Variants in HMGA2 observed in about 807,000 individuals in gnomAD.
HMGA2 encodes the protein high mobility group AT-hook 2.
In HMGA2, 8 loss-of-function variants were observed where a neutral mutation model predicts 19.1. That is an observed-to-expected ratio of 0.42 (90% CI 0.25 to 0.76). HMGA2 has a LOEUF of 0.76. Ranked by LOEUF, HMGA2 falls within the 30% of genes least tolerant of loss-of-function variation. The pLI is 0.28. For synonymous variants in HMGA2, 60 were observed against 48.8 expected (o/e 1.23, Z -0.96); for missense variants, 109 against 136.3 (o/e 0.80, Z 1.00).
At chr12:65,927,043 A>G (rs1449874779) in intron 3 of HMGA2, among the ~76,000 whole-genome samples, 8 of 152,202 alleles carry the variant, frequency 5.3e-5, no homozygotes, top group Admixed American at 2.6e-4. Context: ...ACTCTTTTGC[A>G]AAGCAAGGAG....
At chr12:65,844,217 A>G (rs1487569391) in intron 3 of HMGA2, among the ~76,000 whole-genome samples, 2 of 152,122 alleles carry the variant, frequency 1.3e-5, no homozygotes, top group Non-Finnish European at 2.9e-5. Flanking sequence ...AGGTGAAATC[A>G]TTTTCCCTTA....
chr12:65,949,892 A>G (rs1038446181), intron 3 of HMGA2, among the ~76,000 whole-genome samples: 2 of 152,208 alleles, frequency 1.3e-5, no homozygotes, highest in Non-Finnish European at 1.5e-5. Flanking sequence ...TGGGCAAAGG[A>G]TTTAAATAAA....
chr12:65,867,629 T>C, intron 3 of HMGA2: 1 of 342,094 alleles, frequency 2.9e-6, no homozygotes, highest in South Asian at 2.4e-5. Context: ...TGTGTAAAAG[T>C]GGAGGATATG....
At chr12:65,828,684 G>A (rs1032522595) in intron 2 of HMGA2, 1 of 156,224 alleles carries the variant, frequency 6.4e-6, no homozygotes, top group Non-Finnish European at 1.4e-5. Context: ...CTGCAGTATA[G>A]TATATCATAA....
intron 3 of HMGA2, chr12:65,842,230 G>C (rs1349868128): frequency 1.5e-6 from 1 of 650,082 alleles, no homozygotes; most frequent in Non-Finnish European, 2.5e-6. Context: ...GACCTTTAAA[G>C]GTCCAGTTTC....
intron 3 of HMGA2, chr12:65,860,120 A>G: frequency 2.4e-6 from 1 of 413,342 alleles, no homozygotes; most frequent in Admixed American, 2.6e-5. Flanking sequence ...AGAGAAAAGG[A>G]AAAAGGGCAT....
In HMGA2 at chr12:65,824,877, G is replaced by T. The variant is rs187998866; in HGVS notation, c.-394G>T. ...TCCAAGCCGCTTCCGAAGTGCTCCC[G>T]GTGCCCGCAACTCCTGATCCCAACC... On this transcript the variant is annotated 5_prime_UTR_variant, in exon 1 of 5. Coordinates refer to ENST00000403681, the MANE Select transcript of HMGA2 (RefSeq NM_003483.6). The T allele has an allele frequency of 1.8e-3, 474 of 265,362 alleles. 2 individuals are homozygous for T. Among genetic ancestry groups the T allele is most frequent in the African/African-American group, 9.8e-3 (449 of 45,938 alleles). 16.4% of individuals were successfully genotyped at this position (265,362 alleles called of 1,614,324 possible).
chr12:65,843,629 G>A, intron 3 of HMGA2: 1 of 166,748 alleles, frequency 6.0e-6, no homozygotes, highest in South Asian at 2.0e-4. Flanking sequence ...AGTTTTACAT[G>A]TCCATTACTG....
intron 3 of HMGA2, among the ~76,000 whole-genome samples, chr12:65,949,639 G>A (rs1022404802): frequency 2.6e-5 from 4 of 152,138 alleles, no homozygotes; most frequent in Admixed American, 1.3e-4. Flanking sequence ...TCTAATACTC[G>A]ATTGGAAAGT....
chr12:65,836,746 G>A (rs2120865200), intron 2 of HMGA2, among the ~76,000 whole-genome samples: 1 of 152,318 alleles, frequency 6.6e-6, no homozygotes, highest in South Asian at 2.1e-4. Context: ...GACAACAAAT[G>A]ATTCCTTTGT....
chr12:65,846,271 T>A (rs895481310), intron 3 of HMGA2, among the ~76,000 whole-genome samples: 6 of 152,256 alleles, frequency 3.9e-5, no homozygotes, highest in Non-Finnish European at 8.8e-5. Context: ...ATTTCCTTAG[T>A]AAACGATGAA....
intron 3 of HMGA2, among the ~76,000 whole-genome samples, chr12:65,937,169 C>G (rs937786207): frequency 1.2e-4 from 19 of 152,114 alleles, no homozygotes; most frequent in African/African-American, 3.6e-4. Context: ...CAGTTCTTCC[C>G]AAGATCAGAG....
chr12:65,915,439 T>C, intron 3 of HMGA2: 1 of 1,263,144 alleles, frequency 7.9e-7, no homozygotes, highest in Non-Finnish European at 1.0e-6. Context: ...TGAACTCCAG[T>C]TACTCTCGTA....
At chr12:65,932,756 C>T (rs1875760200) in intron 3 of HMGA2, among the ~76,000 whole-genome samples, 1 of 152,252 alleles carries the variant, frequency 6.6e-6, no homozygotes, top group South Asian at 2.1e-4. Context: ...TGGCCACTTT[C>T]TCTAGAAATT....
chr12:65,888,204 C>T (rs1056126801), intron 3 of HMGA2, among the ~76,000 whole-genome samples: 1 of 152,016 alleles, frequency 6.6e-6, no homozygotes, highest in Admixed American at 6.5e-5. Flanking sequence ...ACCTGTAATC[C>T]CAGCACTTTA....
intron 3 of HMGA2, among the ~76,000 whole-genome samples, chr12:65,949,643 G>A (rs1304329755): frequency 1.3e-5 from 2 of 152,174 alleles, no homozygotes; most frequent in African/African-American, 2.4e-5. Flanking sequence ...ATACTCGATT[G>A]GAAAGTTAGG....
At chr12:65,901,459 A>G (rs1874368200) in intron 3 of HMGA2, among the ~76,000 whole-genome samples, 1 of 152,178 alleles carries the variant, frequency 6.6e-6, no homozygotes, top group African/African-American at 2.4e-5. Flanking sequence ...TAATGACATG[A>G]GCTGTTTCTT....
intron 3 of HMGA2, among the ~76,000 whole-genome samples, chr12:65,889,893 T>C (rs59403404): frequency 0.073 from 11,158 of 152,176 alleles, 807 homozygotes; most frequent in African/African-American, 0.19. Context: ...TATTTCTCCC[T>C]ACATCCTAGC....
chr12:65,947,025 A>G (rs1270273568), intron 3 of HMGA2, among the ~76,000 whole-genome samples: 9 of 152,166 alleles, frequency 5.9e-5, no homozygotes, highest in Admixed American at 5.9e-4. Context: ...TAAGGGCTAG[A>G]CTGCAGAGAA....
Sources: gnomAD v4.1 joint callset for allele counts (sites outside exome capture counted in the v4.1 genomes callset) on GRCh38, gnomAD v4.1.1 for gene constraint, MANE v1.5 for transcripts, NCBI Gene and HGNC (gene_info 2026-07-23, HGNC 2026-07-21) for gene names.